TRHDE: variants seen among roughly 807,000 people sequenced by gnomAD.
The protein encoded by TRHDE is thyrotropin releasing hormone degrading enzyme, also known as thyrotropin-releasing hormone-degrading ectoenzyme.
In TRHDE, 72 loss-of-function variants were observed where a neutral mutation model predicts 125.7. The ratio of observed to expected loss-of-function variants is 0.57; its 90% CI spans 0.47 to 0.70. TRHDE has a LOEUF of 0.70. Among genes scored for constraint, TRHDE ranks in the 30% least tolerant of loss-of-function variants. TRHDE has a pLI of 0.00. For synonymous variants in TRHDE, 509 were observed against 509.1 expected, an observed-to-expected ratio of 1.00 and a Z score of 0.00; for missense variants, 1,110 against 1,327.1, an observed-to-expected ratio of 0.84 and a Z score of 2.54.
At position 72,132,175 on chromosome 12, in the gene TRHDE, G is replaced by A. The variant is rs113938744; in HGVS notation, n.279+26423G>A. ...GAGTTTGCAGCCTGCGCTACCTTAAGTTGTTTAATCAAGTGGGGAATGTGG... is the reference window on the plus strand; with the variant it reads ...GAGTTTGCAGCCTGCGCTACCTTAAATTGTTTAATCAAGTGGGGAATGTGG... On this transcript the variant is annotated intron_variant and non_coding_transcript_variant, in intron 2 of 4. Transcript: ENST00000548156. Among the ~76,000 whole-genome samples, 6 of 152,286 alleles carry A rather than the reference G, an allele frequency of 3.9e-5. 1 individual carries two copies. Among genetic ancestry groups the A allele is most frequent in the Admixed American group, 1.3e-4 (2 of 15,298 alleles).
chr12:72,583,566 T>C (rs972996542), intron 12 of TRHDE, among the ~76,000 whole-genome samples: 4 of 152,192 alleles, frequency 2.6e-5, no homozygotes, highest in African/African-American at 7.2e-5. Flanking sequence ...TTAGTCAGTT[T>C]ATGCAACACT....
intron 3 of TRHDE, among the ~76,000 whole-genome samples, chr12:72,427,435 G>T (rs552666337): frequency 6.6e-6 from 1 of 152,160 alleles, no homozygotes; most frequent in South Asian, 2.1e-4. Flanking sequence ...TGTGTAGTAT[G>T]ATTTCCTTTT....
chr12:72,625,359 G>A (rs979340385), intron 15 of TRHDE, among the ~76,000 whole-genome samples: 4 of 151,360 alleles, frequency 2.6e-5, no homozygotes, highest in African/African-American at 9.7e-5. Flanking sequence ...TTGAAGACTG[G>A]TATCTTCACT....
At chr12:72,310,727 A>G (rs767921332) in intron 2 of TRHDE, among the ~76,000 whole-genome samples, 16 of 152,180 alleles carry the variant, frequency 1.1e-4, no homozygotes, top group Non-Finnish European at 2.2e-4. Context: ...CCTAATTAAA[A>G]TGAAGTTTTT....
intron 3 of TRHDE, among the ~76,000 whole-genome samples, chr12:72,461,676 G>A (rs1181043469): frequency 1.3e-5 from 2 of 151,250 alleles, no homozygotes; most frequent in Non-Finnish European, 2.9e-5. Flanking sequence ...GATAATATGA[G>A]CATATCCTAT....
At chr12:72,379,910 A>G (rs1872067740) in intron 3 of TRHDE, among the ~76,000 whole-genome samples, 1 of 152,196 alleles carries the variant, frequency 6.6e-6, no homozygotes, top group Admixed American at 6.5e-5. Context: ...CTTATTTTAT[A>G]TATCTACAGA....
chr12:72,548,744 T>TA (rs1051447117), intron 7 of TRHDE, among the ~76,000 whole-genome samples: 4 of 151,564 alleles, frequency 2.6e-5, no homozygotes, highest in East Asian at 1.9e-4. Context: ...AGGTAGCTAT[T>TA]AAAAAAAATT....
intron 3 of TRHDE, among the ~76,000 whole-genome samples, chr12:72,469,270 A>G (rs1304113877): frequency 2.6e-5 from 4 of 152,206 alleles, no homozygotes. Flanking sequence ...TATTTCTTTT[A>G]ACATAACTGA....
At chr12:72,449,704 G>C (rs934174848) in intron 3 of TRHDE, among the ~76,000 whole-genome samples, 28 of 151,968 alleles carry the variant, frequency 1.8e-4, no homozygotes, top group African/African-American at 5.5e-4. Flanking sequence ...CTGAAGCTAG[G>C]CAGCCCAGGA....
chr12:72,478,935 A>C (rs1347780453), intron 5 of TRHDE, among the ~76,000 whole-genome samples: 4 of 151,130 alleles, frequency 2.6e-5, no homozygotes, highest in Non-Finnish European at 5.9e-5. Flanking sequence ...AAAAAAAAAA[A>C]AAAAAACAAA....
At chr12:72,394,126 A>C (rs1872704955) in intron 3 of TRHDE, among the ~76,000 whole-genome samples, 1 of 152,212 alleles carries the variant, frequency 6.6e-6, no homozygotes, top group Non-Finnish European at 1.5e-5. Context: ...AACCATTATC[A>C]GGCTTACTTT....
intron 6 of TRHDE, among the ~76,000 whole-genome samples, chr12:72,517,500 T>C (rs1416007082): frequency 6.6e-6 from 1 of 152,132 alleles, no homozygotes; most frequent in Non-Finnish European, 1.5e-5. Flanking sequence ...ATCCCCTTTA[T>C]CATTTTTTAT....
chr12:72,395,182 G>A (rs12298889), intron 3 of TRHDE, among the ~76,000 whole-genome samples: 11,565 of 151,996 alleles, frequency 0.076, 1,025 homozygotes, highest in African/African-American at 0.2. Flanking sequence ...TTTGACCAAC[G>A]TCTTCCCAAC....
intron 2 of TRHDE, among the ~76,000 whole-genome samples, chr12:72,368,491 C>T (rs926705429): frequency 6.6e-6 from 1 of 152,062 alleles, no homozygotes; most frequent in South Asian, 2.1e-4. Context: ...TGACCTTGTT[C>T]CGCTGAGTCA....
At chr12:72,109,216 C>T (rs1197233547) in intron 2 of TRHDE, among the ~76,000 whole-genome samples, 1 of 152,028 alleles carries the variant, frequency 6.6e-6, no homozygotes, top group African/African-American at 2.4e-5. Flanking sequence ...TAAGAATTGA[C>T]ATCAATTTGG....
At chr12:72,452,471 C>G (rs1267430042) in intron 3 of TRHDE, among the ~76,000 whole-genome samples, 1 of 152,042 alleles carries the variant, frequency 6.6e-6, no homozygotes, top group Non-Finnish European at 1.5e-5. Flanking sequence ...GCTTCCAGGA[C>G]TATGTTTACT....
intron 2 of TRHDE, among the ~76,000 whole-genome samples, chr12:72,156,242 A>G (rs768161320): frequency 6.6e-6 from 1 of 152,174 alleles, no homozygotes; most frequent in Non-Finnish European, 1.5e-5. Context: ...AGATCATTGG[A>G]AAAGCACAGT....
chr12:72,373,046 T>C (rs1871686908), intron 2 of TRHDE, among the ~76,000 whole-genome samples: 1 of 152,238 alleles, frequency 6.6e-6, no homozygotes, highest in Admixed American at 6.5e-5. Context: ...TCCATTTGTT[T>C]GTATCCTCTT....
intron 3 of TRHDE, among the ~76,000 whole-genome samples, chr12:72,404,304 C>T (rs1367778664): frequency 2.0e-5 from 3 of 152,172 alleles, no homozygotes; most frequent in East Asian, 1.9e-4. Flanking sequence ...TGGTGACACA[C>T]ACCTGAAGTC....
Sources: gnomAD v4.1 joint callset for allele counts (sites outside exome capture counted in the v4.1 genomes callset) on GRCh38, gnomAD v4.1.1 for gene constraint, MANE v1.5 for transcripts, NCBI Gene and HGNC (gene_info 2026-07-23, HGNC 2026-07-21) for gene names.